PLAGL2: variants seen among roughly 807,000 people sequenced by gnomAD.
The protein encoded by PLAGL2 is zinc finger protein PLAGL2.
In PLAGL2, 7 loss-of-function variants were observed where a neutral mutation model predicts 29.0. The observed-to-expected ratio is 0.24, with a 90% CI of 0.14 to 0.45. PLAGL2 has a LOEUF of 0.45. Ranked by LOEUF, PLAGL2 falls within the 20% of genes least tolerant of loss-of-function variation. PLAGL2 has a pLI of 0.99. For missense variants in PLAGL2, 454 were observed against 648.2 expected (o/e 0.70, Z 3.25); for synonymous variants, 234 against 266.0 (o/e 0.88, Z 1.17).
At position 32,196,838 on chromosome 20, in the gene PLAGL2, T is replaced by C. The variant is rs778522214; in HGVS notation, c.1105A>G (p.Ser369Gly). ...GGTTCAGCGGATGAGAGAGACAGGC[T>C]TCCAGGAAGCTCCGCCAGAAAACTA... ...VDSFLAELPG[S>G]LSLSSAEPQP... is the part of the protein sequence containing the mutation. The change falls in exon 3 of 3, where the codon AGC (serine) becomes GGC (glycine). Residue 369 changes from serine to glycine, a missense_variant. Ser to Gly is a moderately conservative substitution (Grantham distance 56, BLOSUM62 0). Transcript: ENST00000246229. The C allele has an allele frequency of 1.1e-5, 17 of 1,613,980 alleles. No homozygotes were observed. In the Admixed American group the frequency reaches 2.8e-4, roughly 27 times the overall value.
At position 32,197,368 on chromosome 20, in the gene PLAGL2, G is replaced by T; in HGVS notation, c.575C>A (p.Pro192His). 6.2e-7 allele frequency: 1 copy of T among 1,608,740 alleles called. No individual in the cohort carries two copies. Among genetic ancestry groups the T allele is most frequent in the Non-Finnish European group, 8.5e-7 (1 of 1,178,110 alleles). ...GAACCGCCGGTCGCAGTGGTCACAGGGGTGCTTCTTCTCCTTGGCACCGCC... is the reference window on the plus strand; with the variant it reads ...GAACCGCCGGTCGCAGTGGTCACAGTGGTGCTTCTTCTCCTTGGCACCGCC... ...VAGGAKEKKH[P>H]CDHCDRRFYT... The change falls in exon 3 of 3, where the codon CCC (proline) becomes CAC (histidine). Residue 192 changes from proline (P) to histidine (H), a missense_variant. By Grantham distance (77) the Pro-to-His change is moderately conservative (BLOSUM62 -2). Transcript: ENST00000246229. The surrounding 1 kb of genome is among the most constrained non-coding windows in gnomAD (Gnocchi z 6.6).
At chr20:32,203,467 C>T (rs191681746) in intron 1 of PLAGL2, among the ~76,000 whole-genome samples, 5 of 152,348 alleles carry the variant, frequency 3.3e-5, no homozygotes, top group East Asian at 1.9e-4. Flanking sequence ...CACATTCATA[C>T]TCCCAAGCTT....
intron 2 of PLAGL2, among the ~76,000 whole-genome samples, chr20:32,201,109 G>A (rs1296556076): frequency 6.6e-6 from 1 of 152,230 alleles, no homozygotes; most frequent in African/African-American, 2.4e-5. Flanking sequence ...AAGAGGCACT[G>A]CAGGACCTCT....
Position 32,202,120 on chromosome 20 carries a change from T to G in PLAGL2, c.59A>C (p.Glu20Ala). The G allele has an allele frequency of 6.2e-7, 1 of 1,614,022 alleles. No homozygotes were observed. The highest frequency in any genetic ancestry group is 2.2e-5 in the East Asian group (1 of 44,894). The change falls in exon 2 of 3, where the codon GAA becomes GCA. Residue 20 changes from glutamate (E) to alanine (A), a missense_variant. Glu to Ala is a moderately radical substitution (Grantham distance 107, BLOSUM62 -1). Coordinates refer to ENST00000246229, the MANE Select transcript of PLAGL2 (RefSeq NM_002657.3). ...PWIQDAKQEE[E>A]VGWKLVPRPR... ...CCTGGGAACTAGTTTCCAGCCCACT[T>G]CCTCCTCCTGCTTTGCATCTTGAAT...
At chr20:32,203,874 A>G (rs567702628) in intron 1 of PLAGL2, among the ~76,000 whole-genome samples, 3 of 151,056 alleles carry the variant, frequency 2.0e-5, no homozygotes, top group Non-Finnish European at 4.4e-5. Context: ...ATTTGTCTAG[A>G]AAGATCTGCA....
intron 2 of PLAGL2, among the ~76,000 whole-genome samples, chr20:32,201,016 C>A (rs2047256770): frequency 6.6e-6 from 1 of 152,160 alleles, no homozygotes; most frequent in African/African-American, 2.4e-5. Flanking sequence ...CTTGGGCTTA[C>A]AAGTTTCAGA....
rs1406035693 is a variant in PLAGL2, at chr20:32,197,277, C to T, written c.666G>A (p.Gln222=). The change falls in exon 3 of 3, where the codon CAG becomes CAA. Residue 222 remains glutamine (Q), a synonymous_variant. Coordinates refer to ENST00000246229, the MANE Select transcript of PLAGL2 (RefSeq NM_002657.3). The surrounding 1 kb of genome is among the most constrained non-coding windows in gnomAD (Gnocchi z 6.6). ...VHTGRKDFLC[Q]YCAQRFGRKD... ...TACGGCCAAACCGCTGGGCACAGTACTGGCACAGGAAGTCCTTACGGCCTG... is the reference window on the plus strand; with the variant it reads ...TACGGCCAAACCGCTGGGCACAGTATTGGCACAGGAAGTCCTTACGGCCTG... 1 of 1,613,040 alleles carries T rather than the reference C, an allele frequency of 6.2e-7. No homozygotes were observed. The highest frequency in any genetic ancestry group is 8.5e-7 in the Non-Finnish European group (1 of 1,179,478).
In PLAGL2 at chr20:32,196,343, T is replaced by A; in HGVS notation, c.*109A>T. The A allele has an allele frequency of 1.2e-6, 1 of 841,402 alleles. No individual in the cohort carries two copies. The highest frequency in any genetic ancestry group is 1.7e-5 in the African/African-American group (1 of 57,196). The allele number at this position is 841,402 out of a possible 1,614,324, so 52.1% of individuals were successfully genotyped here. ...TGTATACAGACACTGGAATTTTTTTTTTTGAACCCAGCTCTGAAAGCTCAG... is the reference window on the plus strand; with the variant it reads ...TGTATACAGACACTGGAATTTTTTTATTTGAACCCAGCTCTGAAAGCTCAG... On this transcript the variant is annotated 3_prime_UTR_variant, in exon 3 of 3. Transcript: ENST00000246229.
Position 32,197,764 on chromosome 20 carries a change from T to C in PLAGL2, c.261-82A>G. The C allele has an allele frequency of 8.7e-7, 1 of 1,149,258 alleles. No individual in the cohort carries two copies. Among genetic ancestry groups the C allele is most frequent in the Non-Finnish European group, 1.3e-6 (1 of 797,220 alleles). 71.2% of individuals were successfully genotyped at this position (1,149,258 alleles called of 1,614,324 possible). ...ATGACTGGACAACCAAAGGTGTCCA[T>C]TAACAGGAAACTAGATATAAAAACC... On this transcript the variant is annotated intron_variant, in intron 2 of 2. Transcript: ENST00000246229. This position sits in a 1 kb window ranked among gnomAD's most constrained non-coding sequence, Gnocchi z 6.6.
At chr20:32,201,309 G>A (rs571771077) in intron 2 of PLAGL2, among the ~76,000 whole-genome samples, 12 of 152,170 alleles carry the variant, frequency 7.9e-5, no homozygotes, top group African/African-American at 2.7e-4. Context: ...TCAGGGCTAA[G>A]TGCGGTGGCT....
In PLAGL2 at chr20:32,196,842, A is replaced by G; in HGVS notation, c.1101T>C (p.Pro367=). The G allele has an allele frequency of 1.2e-6, 2 of 1,614,016 alleles. No individual in the cohort carries two copies. Among genetic ancestry groups the G allele is most frequent in the East Asian group, 2.2e-5 (1 of 44,886 alleles). ...CAGCGGATGAGAGAGACAGGCTTCC[A>G]GGAAGCTCCGCCAGAAAACTATCCA... The part of the protein sequence containing the change: ...VEVDSFLAEL[P]GSLSLSSAEP... Residue 367 remains proline, a synonymous_variant, in exon 3 of 3, where the codon CCT becomes CCC. Transcript: ENST00000246229.
At chr20:32,198,074 G>A (rs2122536153) in intron 2 of PLAGL2, among the ~76,000 whole-genome samples, 1 of 152,324 alleles carries the variant, frequency 6.6e-6, no homozygotes, top group Middle Eastern at 3.4e-3. Flanking sequence ...CAGAATAGTG[G>A]ATGTAGACTA....
intron 2 of PLAGL2, among the ~76,000 whole-genome samples, chr20:32,199,398 G>A (rs561881538): frequency 1.3e-5 from 2 of 152,308 alleles, no homozygotes; most frequent in South Asian, 2.1e-4. Flanking sequence ...CCCTCATTTT[G>A]CAGGTGAGGA....
In PLAGL2 at chr20:32,196,545, T is replaced by C. The variant is rs1192247096; in HGVS notation, c.1398A>G (p.Pro466=). 1.3e-6 allele frequency: 2 copies of C among 1,541,068 alleles called. No homozygotes were observed. The highest frequency in any genetic ancestry group is 2.3e-5 in the East Asian group (1 of 44,428). ...QPQDSPGAGG[P]LNFGPLHSLP... ...AGGAGTGCAGAGGCCCAAAGTTCAG[T>C]GGTCCCCCAGCTCCTGGGGAATCTT... The change falls in exon 3 of 3, where the codon CCA becomes CCG. Residue 466 remains proline, a synonymous_variant. Coordinates refer to ENST00000246229, the MANE Select transcript of PLAGL2 (RefSeq NM_002657.3).
Position 32,197,274 on chromosome 20 carries a change from G to C in PLAGL2, c.669C>G (p.Tyr223Ter). The change falls in exon 3 of 3, where the codon TAC (tyrosine) becomes TAG (stop). Residue 223 changes from tyrosine (Y) to a stop codon, truncating the protein, a stop_gained. Coordinates refer to ENST00000246229, the MANE Select transcript of PLAGL2 (RefSeq NM_002657.3). LOFTEE classifies it high-confidence loss of function. The surrounding 1 kb of genome is among the most constrained non-coding windows in gnomAD (Gnocchi z 6.6). ...HTGRKDFLCQ[Y>*]CAQRFGRKDH... is the part of the protein sequence containing the mutation. The stretch of plus-strand genomic sequence containing the variant: ...CCTTACGGCCAAACCGCTGGGCACA[G>C]TACTGGCACAGGAAGTCCTTACGGC... The C allele has an allele frequency of 6.2e-7, 1 of 1,613,200 alleles. No individual in the cohort carries two copies. Among genetic ancestry groups the C allele is most frequent in the Non-Finnish European group, 8.5e-7 (1 of 1,179,572 alleles).
intron 2 of PLAGL2, among the ~76,000 whole-genome samples, chr20:32,200,640 G>T (rs1428097238): frequency 6.6e-6 from 1 of 152,046 alleles, no homozygotes; most frequent in Non-Finnish European, 1.5e-5. Flanking sequence ...ACCCAGGCTG[G>T]AGTACAGTGG....
chr20:32,192,863 A>C lies in PLAGL2; in HGVS notation c.*3589T>G, dbSNP rs1324140924. ...AAGGTGGAGAGGTGCAAGTGGGAAC[A>C]ATCAGCTAAGGAAGTCAGCTGACAC... On this transcript the variant is annotated 3_prime_UTR_variant, in exon 3 of 3. Transcript: ENST00000246229. 10 of 152,548 alleles carry C rather than the reference A, an allele frequency of 6.6e-5. No homozygotes were observed. Among genetic ancestry groups the C allele is most frequent in the African/African-American group, 2.4e-4 (10 of 41,444 alleles). 9.4% of individuals were successfully genotyped at this position (152,548 alleles called of 1,614,324 possible).
chr20:32,200,476 T>C (rs749359666), intron 2 of PLAGL2, among the ~76,000 whole-genome samples: 2 of 152,172 alleles, frequency 1.3e-5, no homozygotes, highest in African/African-American at 2.4e-5. Context: ...TCCGCCTGCC[T>C]TGGCCTCCCA....
At position 32,193,482 on chromosome 20, in the gene PLAGL2, C is replaced by T. The variant is rs961327421; in HGVS notation, c.*2970G>A. The T allele has an allele frequency of 6.6e-6, 1 of 152,236 alleles. No individual in the cohort carries two copies. The highest frequency in any genetic ancestry group is 2.4e-5 in the African/African-American group (1 of 41,448). The allele number at this position is 152,236 out of a possible 1,614,324, so 9.4% of individuals were successfully genotyped here. ...ATGCAGAGATCCTTTGAGCTGACACCTGGGCATGTCATCCCCTTACCCCCA... is the reference window on the plus strand; with the variant it reads ...ATGCAGAGATCCTTTGAGCTGACACTTGGGCATGTCATCCCCTTACCCCCA... On this transcript the variant is annotated 3_prime_UTR_variant, in exon 3 of 3. Transcript: ENST00000246229.
Sources: gnomAD v4.1 joint callset for allele counts (sites outside exome capture counted in the v4.1 genomes callset) on GRCh38, gnomAD v4.1.1 for gene constraint, Gnocchi (gnomAD v3.1) non-coding constraint, MANE v1.5 for transcripts, NCBI Gene and HGNC (gene_info 2026-07-23, HGNC 2026-07-21) for gene names.